The following KIAA1549L variants were observed in gnomAD, a reference collection of about 807,000 sequenced individuals.
KIAA1549L encodes the protein KIAA1549 like.
Under a neutral mutation model 160.7 loss-of-function variants are expected in KIAA1549L, and 88 were observed. The observed-to-expected ratio is 0.55, with a 90% CI of 0.46 to 0.65. KIAA1549L has a LOEUF of 0.65. Ranked by LOEUF, KIAA1549L falls within the 30% of genes least tolerant of loss-of-function variation. The pLI is 0.00. For missense variants in KIAA1549L, 2,258 were observed against 2,437.5 expected (o/e 0.93, Z 1.55); for synonymous variants, 950 against 976.7 (o/e 0.97, Z 0.51).
At chr11:33,562,844 A>T (rs1432167693) in intron 8 of KIAA1549L, among the ~76,000 whole-genome samples, 2 of 151,658 alleles carry the variant, frequency 1.3e-5, no homozygotes, top group Non-Finnish European at 2.9e-5. Context: ...ATAACCAGCT[A>T]ATTTTTTTGT....
At chr11:33,489,876 G>A (rs1179596484) in intron 1 of KIAA1549L, among the ~76,000 whole-genome samples, 1 of 152,206 alleles carries the variant, frequency 6.6e-6, no homozygotes, top group Non-Finnish European at 1.5e-5. Context: ...AAAATGAAAA[G>A]ATCAAACGTT....
At chr11:33,390,013 A>G (rs1036858110) in intron 1 of KIAA1549L, among the ~76,000 whole-genome samples, 3 of 152,272 alleles carry the variant, frequency 2.0e-5, no homozygotes, top group Admixed American at 6.5e-5. Flanking sequence ...CGTGGATGCT[A>G]TAATTAATTG....
chr11:33,433,254 G>GA (rs906248826), intron 1 of KIAA1549L, among the ~76,000 whole-genome samples: 2 of 151,842 alleles, frequency 1.3e-5, no homozygotes, highest in Non-Finnish European at 2.9e-5. Flanking sequence ...ATATTTACAA[G>GA]AAAAAAAGCC....
intron 1 of KIAA1549L, among the ~76,000 whole-genome samples, chr11:33,453,678 A>T (rs1851766716): frequency 6.6e-6 from 1 of 152,216 alleles, no homozygotes; most frequent in Admixed American, 6.5e-5. Context: ...ATATAATTGA[A>T]TATAGCTATG....
chr11:33,465,142 G>A (rs1267842680), intron 1 of KIAA1549L, among the ~76,000 whole-genome samples: 8 of 127,910 alleles, frequency 6.3e-5, no homozygotes, highest in African/African-American at 2.4e-4. Context: ...TGCAACCTCC[G>A]CCTCCCAGGC....
At chr11:33,406,968 T>C (rs1030929936) in intron 1 of KIAA1549L, among the ~76,000 whole-genome samples, 17 of 152,198 alleles carry the variant, frequency 1.1e-4, no homozygotes, top group Non-Finnish European at 2.2e-4. Context: ...TATGTTCTAG[T>C]TTCTGTCTTT....
chr11:33,478,688 C>T (rs756494140), intron 1 of KIAA1549L, among the ~76,000 whole-genome samples: 1 of 152,196 alleles, frequency 6.6e-6, no homozygotes, highest in Non-Finnish European at 1.5e-5. Flanking sequence ...CTTGAACTAT[C>T]TCATTTAATC....
At position 33,606,819 on chromosome 11, in the gene KIAA1549L, C is replaced by T. The variant is rs369627773; in HGVS notation, c.5058C>T (p.Gly1686=). 398 of 1,600,412 alleles carry T rather than the reference C, an allele frequency of 2.5e-4. No individual in the cohort carries two copies. In the African/African-American group the frequency reaches 4.8e-3, roughly 19 times the overall value. ...RSQESSAVLN[G]EVNKALKQKS... ...AGGAGTCATCGGCAGTCCTCAACGG[C>T]GAGGTAAGTGCCTGGAGACCCAGGG... The change falls in exon 14 of 21, where the codon GGC becomes GGT. Residue 1686 remains glycine (G), a synonymous_variant. Transcript: ENST00000658780.
intron 1 of KIAA1549L, among the ~76,000 whole-genome samples, chr11:33,380,751 G>A (rs1424760485): frequency 6.6e-6 from 1 of 152,050 alleles, no homozygotes; most frequent in East Asian, 1.9e-4. Flanking sequence ...TATGTATTTA[G>A]AATACTTAGC....
chr11:33,616,514 A>G (rs972444134), intron 15 of KIAA1549L, among the ~76,000 whole-genome samples: 3 of 152,152 alleles, frequency 2.0e-5, no homozygotes, highest in Non-Finnish European at 4.4e-5. Context: ...TGATGCTCTT[A>G]CCAAAGGAAG....
chr11:33,540,237 A>G (rs1853985718), intron 1 of KIAA1549L, among the ~76,000 whole-genome samples: 1 of 152,202 alleles, frequency 6.6e-6, no homozygotes, highest in Admixed American at 6.5e-5. Context: ...TTCCTGAGTT[A>G]CAAGGCTATG....
chr11:33,558,666 C>T (rs1325084095), intron 6 of KIAA1549L, among the ~76,000 whole-genome samples: 1 of 152,084 alleles, frequency 6.6e-6, no homozygotes, highest in African/African-American at 2.4e-5. Flanking sequence ...ATACATTGAC[C>T]CAGAAAGCTT....
At chr11:33,386,598 G>T (rs370265864) in intron 1 of KIAA1549L, among the ~76,000 whole-genome samples, 1 of 152,140 alleles carries the variant, frequency 6.6e-6, no homozygotes, top group Admixed American at 6.5e-5. Context: ...CAGGAGAATC[G>T]CTTGCACCTG....
At chr11:33,587,081 C>T (rs1286578554) in intron 11 of KIAA1549L, among the ~76,000 whole-genome samples, 2 of 152,098 alleles carry the variant, frequency 1.3e-5, no homozygotes, top group African/African-American at 2.4e-5. Flanking sequence ...TAACAATAAT[C>T]GTATAGAGTG....
intron 1 of KIAA1549L, among the ~76,000 whole-genome samples, chr11:33,533,289 CAG>C (rs747102395): frequency 6.6e-6 from 1 of 152,168 alleles, no homozygotes; most frequent in Non-Finnish European, 1.5e-5. Flanking sequence ...CTCAGGAAGA[CAG>C]AGGCCTGAAC....
At chr11:33,511,609 T>C (rs1853228776) in intron 1 of KIAA1549L, among the ~76,000 whole-genome samples, 1 of 152,212 alleles carries the variant, frequency 6.6e-6, no homozygotes. Flanking sequence ...AGCTATCTGG[T>C]AAAATGCAGA....
intron 10 of KIAA1549L, 88 bp downstream of exon 10, chr11:33,574,961 G>A: frequency 1.8e-6 from 2 of 1,106,986 alleles, no homozygotes; most frequent in Non-Finnish European, 2.7e-6. Flanking sequence ...CATGTTAATG[G>A]TCTCAGAGCT....
intron 8 of KIAA1549L, among the ~76,000 whole-genome samples, chr11:33,562,286 T>G (rs1469850354): frequency 6.6e-6 from 1 of 152,206 alleles, no homozygotes. Flanking sequence ...TTCTTTGTGT[T>G]TTTCAAAAGC....
At chr11:33,658,420 C>T (rs1852143527) in intron 18 of KIAA1549L, among the ~76,000 whole-genome samples, 3 of 152,172 alleles carry the variant, frequency 2.0e-5, no homozygotes, top group Admixed American at 2.0e-4. Flanking sequence ...AGCTAATACC[C>T]AAGGCTAATT....
Sources: gnomAD v4.1 joint callset for allele counts (sites outside exome capture counted in the v4.1 genomes callset) on GRCh38, gnomAD v4.1.1 for gene constraint, MANE v1.5 for transcripts, NCBI Gene and HGNC (gene_info 2026-07-23, HGNC 2026-07-21) for gene names.